The following VPS53 variants were observed in gnomAD, a reference collection of about 807,000 sequenced individuals.
VPS53 encodes vacuolar protein sorting-associated protein 53 homolog.
VPS53 carries 70 observed loss-of-function variants against 107.0 expected under a neutral mutation model. That is an observed-to-expected ratio of 0.65 (90% confidence interval 0.54 to 0.80). The LOEUF (loss-of-function observed/expected upper bound fraction) is 0.80, where lower values mean the gene tolerates loss of function less well. VPS53 is among the 30% of genes least tolerant of loss of function. The pLI, the probability that VPS53 is intolerant of heterozygous loss-of-function variation, is 0.00. For missense variants in VPS53, 917 were observed against 1,049.4 expected (o/e 0.87, Z 1.74); for synonymous variants, 409 against 393.3 (o/e 1.04, Z -0.47).
chr17:639,645 C>T (rs972474407), intron 7 of VPS53, among the ~76,000 whole-genome samples: 4 of 152,196 alleles, frequency 2.6e-5, no homozygotes, highest in African/African-American at 9.7e-5. Flanking sequence ...TCAGGACCCT[C>T]AGCTGCAGGT....
In VPS53 at chr17:635,064, C is replaced by T. The variant is rs534510101; in HGVS notation, c.609-3436G>A. On this transcript the variant is annotated intron_variant, in intron 7 of 21. Transcript: ENST00000437048. ...ACATCCTCTCCAGCATCTGTTGTTT[C>T]CTGACTTTTTAATGATCACCATTCT... 2.6e-5 allele frequency among the ~76,000 whole-genome samples: 4 copies of T among 152,272 alleles called. No homozygotes were observed. In the East Asian group the frequency reaches 7.7e-4, roughly 29 times the overall value.
intron 8 of VPS53, 132 bp from the exon 9 acceptor site, chr17:628,363 C>T: frequency 9.0e-7 from 1 of 1,105,994 alleles, no homozygotes; most frequent in Non-Finnish European, 1.3e-6. Context: ...ATTCTTTCTG[C>T]TGTGGCTGGA....
chr17:708,088 T>A (rs1567755647), intron 2 of VPS53, among the ~76,000 whole-genome samples: 1 of 152,144 alleles, frequency 6.6e-6, no homozygotes, highest in Non-Finnish European at 1.5e-5. Flanking sequence ...CCTTGTGGGT[T>A]TTCTCTTCGT....
intron 17 of VPS53, chr17:551,600 C>T (rs1034812057): frequency 9.0e-6 from 2 of 222,482 alleles, no homozygotes; most frequent in Non-Finnish European, 1.8e-5. Context: ...GACAACATCT[C>T]CTTTAGACTC....
At chr17:585,733 T>G (rs1967276807) in intron 13 of VPS53, among the ~76,000 whole-genome samples, 1 of 152,064 alleles carries the variant, frequency 6.6e-6, no homozygotes, top group Non-Finnish European at 1.5e-5. Flanking sequence ...ACGAAATGCA[T>G]GATTATTGGG....
At position 524,521 on chromosome 17, in the gene VPS53, G is replaced by A. The variant is rs548330301; in HGVS notation, c.2086-2783C>T. 2.0e-5 allele frequency among the ~76,000 whole-genome samples: 3 copies of A among 152,266 alleles called. No homozygotes were observed. The South Asian group carries it at 6.2e-4, about 32-fold the overall frequency. On this transcript the variant is annotated intron_variant, in intron 19 of 21. Coordinates refer to ENST00000437048, the MANE Select transcript of VPS53 (RefSeq NM_001128159.3). This position sits in a 1 kb window ranked among gnomAD's most constrained non-coding sequence, Gnocchi z 4.5. ...ACATGAAGATTCCTACACATCAACAGGAAAAGCACAAACTATCCCAACAGC... is the reference window on the plus strand; with the variant it reads ...ACATGAAGATTCCTACACATCAACAAGAAAAGCACAAACTATCCCAACAGC...
At position 698,704 on chromosome 17, in the gene VPS53, A is replaced by C. The variant is rs187342248; in HGVS notation, c.218+627T>G. Among the ~76,000 whole-genome samples, 316 of 147,030 alleles carry C rather than the reference A, an allele frequency of 2.1e-3. 2 individuals carry two copies. Among genetic ancestry groups the C allele is most frequent in the Admixed American group, 3.8e-3 (56 of 14,688 alleles). On this transcript the variant is annotated intron_variant, in intron 3 of 21. Transcript: ENST00000437048. ...GGACACAGAGTAAGACCTTGTTTTG[A>C]AAAAAAAACAGAAAAAAAGAAAAAA...
chr17:631,614 T>C lies in VPS53; in HGVS notation c.623A>G (p.Gln208Arg). The C allele has an allele frequency of 6.2e-7, 1 of 1,614,094 alleles. No homozygotes were observed. The highest frequency in any genetic ancestry group is 8.5e-7 in the Non-Finnish European group (1 of 1,179,960). Residue 208 changes from glutamine to arginine, a missense_variant, in exon 8 of 22, where the codon CAG becomes CGG. Gln to Arg is a conservative substitution (Grantham distance 43). Coordinates refer to ENST00000437048, the MANE Select transcript of VPS53 (RefSeq NM_001128159.3). ...CAGGATTTGCTGTCCTAACTCAGTC[T>C]GTGCAGCCTTCACTCTGTGAGGAAG... ...RQLSERVKAA[Q>R]TELGQQILAD...
intron 4 of VPS53, among the ~76,000 whole-genome samples, chr17:665,385 C>A (rs1222698921): frequency 6.6e-6 from 1 of 152,222 alleles, no homozygotes; most frequent in Non-Finnish European, 1.5e-5. Context: ...CCTTGGACTT[C>A]CCAGCCTCCA....
chr17:549,025 C>T (rs1211401483), intron 17 of VPS53, among the ~76,000 whole-genome samples: 1 of 152,124 alleles, frequency 6.6e-6, no homozygotes, highest in African/African-American at 2.4e-5. Context: ...ATTAAAGTTA[C>T]TGGGTATTGC....
At chr17:646,073 A>G (rs1460355643) in intron 7 of VPS53, among the ~76,000 whole-genome samples, 1 of 121,902 alleles carries the variant, frequency 8.2e-6, no homozygotes, top group Admixed American at 9.6e-5. Flanking sequence ...TAAGGGTCTT[A>G]TCTTTTCTAA....
chr17:519,876 G>A lies in VPS53; in HGVS notation c.2278C>T (p.Leu760Phe), dbSNP rs1908589955. The change falls in exon 21 of 22, where the codon CTT becomes TTT. Residue 760 changes from leucine (L) to phenylalanine (F), a missense_variant. Transcript: ENST00000437048. This position sits in a 1 kb window ranked among gnomAD's most constrained non-coding sequence, Gnocchi z 5.0. ...GTTTCTGTGTTGCAGTCTGTGAGAA[G>A]TTTGATGTAGTTGTCAACAAACACC... The part of the protein sequence containing the change: ...LVVFVDNYIK[L>F]LTDCNTETFQ... The A allele has an allele frequency of 6.4e-7, 1 of 1,551,598 alleles. No individual in the cohort carries two copies. The highest frequency in any genetic ancestry group is 1.4e-5 in the African/African-American group (1 of 73,046).
At position 586,296 on chromosome 17, in the gene VPS53, G is replaced by C. The variant is rs141848139; in HGVS notation, c.1287C>G (p.Leu429=). 1 of 1,614,052 alleles carries C rather than the reference G, an allele frequency of 6.2e-7. No individual in the cohort carries two copies. Among genetic ancestry groups the C allele is most frequent in the Non-Finnish European group, 8.5e-7 (1 of 1,179,940 alleles). ...GIVSKCFEPH[L]YVYIESQDKN... ...TGTCTTGGGATTCGATATACACGTA[G>C]AGATGAGGCTCAAAACACTTGGAAA... The change falls in exon 13 of 22, where the codon CTC becomes CTG. Residue 429 remains leucine (L), a synonymous_variant. Transcript: ENST00000437048.
intron 2 of VPS53, among the ~76,000 whole-genome samples, chr17:709,673 G>A (rs752927348): frequency 6.3e-4 from 96 of 152,078 alleles, no homozygotes; most frequent in Non-Finnish European, 1.6e-4. Flanking sequence ...GGCACCTACT[G>A]AACAACTGCT....
intron 4 of VPS53, among the ~76,000 whole-genome samples, chr17:686,472 G>A (rs1164996295): frequency 3.3e-5 from 5 of 152,156 alleles, no homozygotes; most frequent in African/African-American, 9.7e-5. Context: ...TGCATGTCAC[G>A]CCAGGCAAAC....
intron 7 of VPS53, among the ~76,000 whole-genome samples, chr17:642,727 TC>T (rs1378747478): frequency 6.7e-6 from 1 of 149,138 alleles, no homozygotes; most frequent in African/African-American, 2.4e-5. Context: ...AGGACAACAC[TC>T]ATACTTGGAA....
rs1023577038 is a variant in VPS53, at chr17:582,480, G to C, written c.1313+3790C>G. ...CCCAAAGAACCTCCCTCAGAACCTA[G>C]TGCATTCCCAGAGAACATCACTCAG... is the stretch of plus-strand genomic sequence containing the variant. On this transcript the variant is annotated intron_variant, in intron 13 of 21. Transcript: ENST00000437048. 1.9e-4 allele frequency among the ~76,000 whole-genome samples: 25 copies of C among 128,368 alleles called. 1 individual carries two copies. Among genetic ancestry groups the C allele is most frequent in the African/African-American group, 7.0e-4 (24 of 34,136 alleles). The allele number at this position is 128,368 out of a possible 152,430, so 84.2% of individuals were successfully genotyped here.
intron 13 of VPS53, among the ~76,000 whole-genome samples, chr17:585,190 A>G (rs947722888): frequency 1.3e-5 from 2 of 152,254 alleles, no homozygotes; most frequent in African/African-American, 4.8e-5. Flanking sequence ...GAAGTCCCCA[A>G]TAATGGGACA....
chr17:538,636 A>T (rs1910313671), intron 17 of VPS53: 1 of 152,224 alleles, frequency 6.6e-6, no homozygotes, highest in South Asian at 2.1e-4. Context: ...AGCTTTAGGG[A>T]TGTGTACACA....
Sources: gnomAD v4.1 joint callset for allele counts (sites outside exome capture counted in the v4.1 genomes callset) on GRCh38, gnomAD v4.1.1 for gene constraint, Gnocchi (gnomAD v3.1) non-coding constraint, MANE v1.5 for transcripts, NCBI Gene and HGNC (gene_info 2026-07-23, HGNC 2026-07-21) for gene names.